CPA6: variants seen among roughly 807,000 people sequenced by gnomAD.
The protein encoded by CPA6 is carboxypeptidase B.
A neutral mutation model predicts 63.3 loss-of-function variants in CPA6; 58 were observed. That is an observed-to-expected ratio of 0.92 (90% confidence interval 0.74 to 1.14). CPA6 has a LOEUF of 1.14. CPA6 is among the 50% of genes most tolerant of loss of function. CPA6 has a pLI of 0.00. For synonymous variants in CPA6, 185 were observed against 179.0 expected, an observed-to-expected ratio of 1.03 and a Z score of -0.27; for missense variants, 565 against 526.6, an observed-to-expected ratio of 1.07 and a Z score of -0.71.
At chr8:67,474,161 A>T (rs1811122742) in intron 8 of CPA6, among the ~76,000 whole-genome samples, 1 of 152,146 alleles carries the variant, frequency 6.6e-6, no homozygotes, top group East Asian at 1.9e-4. Context: ...AAGAGGTAGA[A>T]CCTAAGTCAC....
At chr8:67,687,531 A>C (rs1816731358) in intron 1 of CPA6, among the ~76,000 whole-genome samples, 1 of 152,146 alleles carries the variant, frequency 6.6e-6, no homozygotes, top group Non-Finnish European at 1.5e-5. Context: ...CAAATCATTT[A>C]ACTGTTCTGA....
intron 2 of CPA6, among the ~76,000 whole-genome samples, chr8:67,557,277 AG>A (rs1487423883): frequency 9.9e-5 from 15 of 152,172 alleles, no homozygotes; most frequent in African/African-American, 3.6e-4. Context: ...TGGAAGGTGA[AG>A]CCTGCAGGTT....
At chr8:67,697,877 G>A (rs944350542) in intron 1 of CPA6, among the ~76,000 whole-genome samples, 4 of 152,078 alleles carry the variant, frequency 2.6e-5, no homozygotes, top group African/African-American at 9.7e-5. Flanking sequence ...ATATTTAAAA[G>A]TATATATGTC....
chr8:67,615,963 G>A (rs763440511), intron 2 of CPA6, among the ~76,000 whole-genome samples: 6 of 152,220 alleles, frequency 3.9e-5, no homozygotes, highest in South Asian at 2.1e-4. Context: ...TATGGTTCGT[G>A]TGATGGGCAC....
intron 8 of CPA6, among the ~76,000 whole-genome samples, chr8:67,458,744 A>G (rs973393511): frequency 3.3e-5 from 5 of 152,246 alleles, no homozygotes; most frequent in African/African-American, 9.6e-5. Flanking sequence ...TAAAGACCTT[A>G]ACAGACAGAT....
At chr8:67,593,446 C>A (rs1169259059) in intron 2 of CPA6, among the ~76,000 whole-genome samples, 1 of 152,114 alleles carries the variant, frequency 6.6e-6, no homozygotes, top group Non-Finnish European at 1.5e-5. Context: ...TCCTTGTTAA[C>A]TTTCTGTCTT....
intron 2 of CPA6, among the ~76,000 whole-genome samples, chr8:67,602,855 A>T (rs1396559203): frequency 1.3e-5 from 2 of 152,192 alleles, no homozygotes; most frequent in African/African-American, 4.8e-5. Context: ...TCATTTCTGA[A>T]CCTGCTTGGG....
At chr8:67,485,440 A>G (rs1251633083) in intron 6 of CPA6, among the ~76,000 whole-genome samples, 1 of 152,204 alleles carries the variant, frequency 6.6e-6, no homozygotes, top group Non-Finnish European at 1.5e-5. Flanking sequence ...ATGTAGCATG[A>G]GAACAATGTA....
At chr8:67,462,034 ACT>A (rs1408583029) in intron 8 of CPA6, among the ~76,000 whole-genome samples, 1 of 151,304 alleles carries the variant, frequency 6.6e-6, no homozygotes, top group African/African-American at 2.4e-5. Context: ...ACTTATTTTT[ACT>A]GTTTAAAATA....
At chr8:67,745,679 T>C (rs1817993562) in intron 1 of CPA6, among the ~76,000 whole-genome samples, 1 of 152,138 alleles carries the variant, frequency 6.6e-6, no homozygotes. Context: ...TCATAAATCA[T>C]GTAGGACAAC....
chr8:67,576,061 C>G, intron 2 of CPA6, among the ~76,000 whole-genome samples: 1 of 152,108 alleles, frequency 6.6e-6, no homozygotes, highest in South Asian at 2.1e-4. Flanking sequence ...AGATGATAAT[C>G]AAAGCCTCAG....
chr8:67,454,247 T>C (rs7842960), intron 8 of CPA6, among the ~76,000 whole-genome samples: 15,428 of 152,252 alleles, frequency 0.1, 2,004 homozygotes, highest in African/African-American at 0.3. Flanking sequence ...TATAGCCTTT[T>C]TGGGGCACTA....
intron 10 of CPA6, among the ~76,000 whole-genome samples, chr8:67,427,224 C>A (rs1372605347): frequency 1.3e-5 from 2 of 152,220 alleles, no homozygotes; most frequent in Non-Finnish European, 2.9e-5. Flanking sequence ...CAACCCTTAT[C>A]TTCCATTGGT....
chr8:67,494,509 C>T (rs973983130), intron 6 of CPA6, among the ~76,000 whole-genome samples: 3 of 152,162 alleles, frequency 2.0e-5, no homozygotes, highest in Non-Finnish European at 4.4e-5. Flanking sequence ...GCTTGAGATA[C>T]TCAATCTGGG....
At chr8:67,699,298 C>A (rs1816971294) in intron 1 of CPA6, among the ~76,000 whole-genome samples, 3 of 151,968 alleles carry the variant, frequency 2.0e-5, no homozygotes. Flanking sequence ...TACCTATAGT[C>A]CCAGCTACTT....
chr8:67,430,129 ATATGTG>A (rs1437748306), intron 9 of CPA6, among the ~76,000 whole-genome samples: 52 of 120,868 alleles, frequency 4.3e-4, no homozygotes, highest in South Asian at 1.0e-3. Context: ...TGGTATATAT[ATATGTG>A]TGTGTGTGTG....
At chr8:67,545,542 T>C (rs747728219) in intron 2 of CPA6, among the ~76,000 whole-genome samples, 7 of 150,162 alleles carry the variant, frequency 4.7e-5, no homozygotes, top group Non-Finnish European at 8.9e-5. Context: ...AATCTGTTTC[T>C]TTCCACAGTT....
At chr8:67,474,144 C>G (rs968013905) in intron 8 of CPA6, among the ~76,000 whole-genome samples, 1 of 152,144 alleles carries the variant, frequency 6.6e-6, no homozygotes, top group Non-Finnish European at 1.5e-5. Flanking sequence ...CCGAGGTGAG[C>G]GCACCAAAGA....
intron 1 of CPA6, among the ~76,000 whole-genome samples, chr8:67,702,867 G>A (rs759824264): frequency 2.6e-5 from 4 of 152,112 alleles, no homozygotes; most frequent in Non-Finnish European, 4.4e-5. Flanking sequence ...GCTGAACAGT[G>A]CACTTGAATC....
Sources: allele counts gnomAD v4.1 joint callset (sites outside exome capture counted in the v4.1 genomes callset), GRCh38; gene constraint gnomAD v4.1.1; transcripts MANE v1.5; gene names NCBI Gene and HGNC (gene_info 2026-07-23, HGNC 2026-07-21).